The following DMD variants were observed in gnomAD, a reference collection of about 807,000 sequenced individuals.
DMD encodes mutant dystrophin.
In DMD, 63 loss-of-function variants were observed where a neutral mutation model predicts 330.1. That is an observed-to-expected ratio of 0.19 (90% CI 0.16 to 0.24). The LOEUF is 0.24. DMD is among the 10% of genes least tolerant of loss of function. The probability of loss-of-function intolerance (pLI) is 1.00; values close to 1 mark genes in which losing one functional copy is unlikely to be tolerated. For missense variants in DMD, 3,344 were observed against 2,684.1 expected, an observed-to-expected ratio of 1.25 and a Z score of -5.43; for synonymous variants, 1,223 against 959.8, an observed-to-expected ratio of 1.27 and a Z score of -5.07.
chrX:31,836,616 T>G, intron 49 of DMD, 102 bp downstream of exon 49: 1 of 692,671 alleles, frequency 1.4e-6, no homozygotes, highest in Non-Finnish European at 2.3e-6. Context: ...CCTTACAAGT[T>G]ATTTCACTGA....
At chrX:33,006,134 T>C (rs189490557) in intron 2 of DMD, among the ~76,000 whole-genome samples, 50 of 111,895 alleles carry the variant, frequency 4.5e-4, no homozygotes, top group African/African-American at 1.6e-3. Flanking sequence ...TGTTCATGGA[T>C]AGAAAGACTC....
chrX:32,121,188 A>T (rs1298430568), intron 44 of DMD, among the ~76,000 whole-genome samples: 1 of 111,909 alleles, frequency 8.9e-6, no homozygotes, highest in Non-Finnish European at 1.9e-5. Context: ...CGTGCAATGC[A>T]TTTGAAAATA....
intron 1 of DMD, among the ~76,000 whole-genome samples, chrX:33,240,661 A>G (rs1008514308): frequency 4.5e-5 from 5 of 111,799 alleles, no homozygotes. Context: ...TAATGGTTAT[A>G]TTAATTCACA....
intron 44 of DMD, among the ~76,000 whole-genome samples, chrX:31,976,037 G>A (rs1398125494): frequency 9.0e-6 from 1 of 110,743 alleles, no homozygotes; most frequent in Non-Finnish European, 1.9e-5. Context: ...CACTGTGGAA[G>A]GTGCTAGTCA....
At chrX:31,286,432 T>C (rs929706159) in intron 62 of DMD, among the ~76,000 whole-genome samples, 4 of 112,459 alleles carry the variant, frequency 3.6e-5, no homozygotes, top group Admixed American at 2.8e-4. Context: ...TATAAGACGA[T>C]AGGTTAAAAA....
chrX:31,374,615 T>G (rs1329040007), intron 60 of DMD, among the ~76,000 whole-genome samples: 2 of 87,034 alleles, frequency 2.3e-5, no homozygotes, highest in Non-Finnish European at 4.3e-5. Flanking sequence ...AGGTGGGAAT[T>G]GAACAATGAG....
chrX:33,116,485 A>G (rs1254280872), intron 1 of DMD, among the ~76,000 whole-genome samples: 2 of 111,160 alleles, frequency 1.8e-5, no homozygotes, highest in East Asian at 5.7e-4. Flanking sequence ...TCCATCCTGG[A>G]TGACAGAGAA....
At chrX:32,063,267 T>A (rs1438803778) in intron 44 of DMD, among the ~76,000 whole-genome samples, 4 of 110,100 alleles carry the variant, frequency 3.6e-5, no homozygotes, top group Non-Finnish European at 7.6e-5. Flanking sequence ...TCACTATAAA[T>A]CTTTTGATTA....
In DMD at chrX:31,847,186, T is replaced by C. The variant is rs144655014; in HGVS notation, c.7099-10367A>G. On this transcript the variant is annotated intron_variant, in intron 48 of 78. Transcript: ENST00000357033. Reference sequence around the variant, plus strand: ...TTACCGTGTCCTTCTATCATCACTATTGTCATCTTTTCATCCTTCAATGAC... The same window carrying C: ...TTACCGTGTCCTTCTATCATCACTACTGTCATCTTTTCATCCTTCAATGAC... 7.5e-3 allele frequency among the ~76,000 whole-genome samples: 844 copies of C among 111,875 alleles called. 8 individuals are homozygous for C. The highest frequency in any genetic ancestry group is 0.026 in the African/African-American group (797 of 30,911).
chrX:31,760,451 T>C (rs2089482853), intron 51 of DMD, among the ~76,000 whole-genome samples: 1 of 112,058 alleles, frequency 8.9e-6, no homozygotes, highest in Non-Finnish European at 1.9e-5. Flanking sequence ...TATTTTTCTG[T>C]AACTTTTCTA....
rs189866192 is a variant in DMD, at chrX:31,299,004, C to T, written c.9224+24594G>A. ...GGAAACAAAACACAACAAAACACCT[C>T]CTGTTGCCCTGAATGCTAATGATGG... On this transcript the variant is annotated intron_variant, in intron 62 of 78. Transcript: ENST00000357033. Among the ~76,000 whole-genome samples, 11 of 111,901 alleles carry T rather than the reference C, an allele frequency of 9.8e-5. No individual in the cohort carries two copies. The East Asian group carries it at 3.1e-3, about 31-fold the overall frequency.
intron 44 of DMD, among the ~76,000 whole-genome samples, chrX:32,167,720 G>A (rs928203784): frequency 8.9e-6 from 1 of 112,017 alleles, no homozygotes; most frequent in Non-Finnish European, 1.9e-5. Context: ...GAATAGGCAT[G>A]AAGGACAGGC....
At chrX:32,024,986 T>C (rs774618656) in intron 44 of DMD, among the ~76,000 whole-genome samples, 10 of 111,771 alleles carry the variant, frequency 8.9e-5, no homozygotes, top group Non-Finnish European at 1.7e-4. Flanking sequence ...GGGATCCCAA[T>C]ACTACAATTA....
chrX:31,176,778 T>C (rs1048869779), intron 71 of DMD, among the ~76,000 whole-genome samples: 1 of 111,378 alleles, frequency 9.0e-6, no homozygotes. Context: ...TCAGATAATA[T>C]ACTACTTATA....
intron 13 of DMD, among the ~76,000 whole-genome samples, chrX:32,590,615 C>T (rs1383313915): frequency 1.8e-5 from 2 of 111,754 alleles, no homozygotes; most frequent in African/African-American, 6.5e-5. Flanking sequence ...CTTCCTGTGC[C>T]CTGCGGGGCA....
intron 9 of DMD, among the ~76,000 whole-genome samples, chrX:32,656,894 A>G (rs2060613407): frequency 8.9e-6 from 1 of 111,873 alleles, no homozygotes; most frequent in East Asian, 2.8e-4. Context: ...AAATGGAGTA[A>G]TATGGCATAA....
intron 7 of DMD, among the ~76,000 whole-genome samples, chrX:32,783,010 CGT>C (rs1208206757): frequency 1.5e-4 from 15 of 99,149 alleles, no homozygotes; most frequent in African/African-American, 5.5e-4. Context: ...TACACACACA[CGT>C]ATATATACAT....
rs756363477 is a variant in DMD, at chrX:31,507,263, C to A, written c.8390+18G>T. ...TTTTAATTCATTTGTGGCCTTTTTG[C>A]TCCACATCTTTTCCTACCTAATGTT... On this transcript the variant is annotated intron_variant, in intron 56 of 78. Transcript: ENST00000357033. 4.1e-6 allele frequency: 5 copies of A among 1,210,731 alleles called. No homozygotes were observed. The highest frequency in any genetic ancestry group is 5.6e-6 in the Non-Finnish European group (5 of 894,555).
intron 62 of DMD, among the ~76,000 whole-genome samples, chrX:31,285,828 G>A (rs2053169316): frequency 9.0e-6 from 1 of 111,325 alleles, no homozygotes; most frequent in South Asian, 3.8e-4. Context: ...AATAAATTTA[G>A]GTAAAACAAG....
Sources: allele counts gnomAD v4.1 joint callset (sites outside exome capture counted in the v4.1 genomes callset), GRCh38; gene constraint gnomAD v4.1.1; transcripts MANE v1.5; gene names NCBI Gene and HGNC (gene_info 2026-07-23, HGNC 2026-07-21).